Variants in SIK3 observed in about 807,000 individuals in gnomAD.
The protein encoded by SIK3 is serine/threonine-protein kinase SIK3.
In SIK3, 28 loss-of-function variants were observed where a neutral mutation model predicts 144.2. The ratio of observed to expected loss-of-function variants is 0.19; its 90% CI spans 0.14 to 0.27. The LOEUF (loss-of-function observed/expected upper bound fraction) is 0.27, where lower values mean the gene tolerates loss of function less well. Among genes scored for constraint, SIK3 ranks in the 10% least tolerant of loss-of-function variants. The pLI, the probability that SIK3 is intolerant of heterozygous loss-of-function variation, is 1.00. For synonymous variants in SIK3, 686 were observed against 676.3 expected, an observed-to-expected ratio of 1.01 and a Z score of -0.22; for missense variants, 1,319 against 1,776.0, an observed-to-expected ratio of 0.74 and a Z score of 4.62.
intron 1 of SIK3, among the ~76,000 whole-genome samples, chr11:117,059,305 A>G (rs1953694199): frequency 6.6e-6 from 1 of 152,224 alleles, no homozygotes; most frequent in Non-Finnish European, 1.5e-5. Context: ...ATTTAGAAGG[A>G]ATAGGAATTA....
chr11:117,046,990 C>CT (rs1021684514), intron 1 of SIK3, among the ~76,000 whole-genome samples: 3 of 152,162 alleles, frequency 2.0e-5, no homozygotes, highest in African/African-American at 7.2e-5. Flanking sequence ...GTAACAGAAT[C>CT]TTTTTTTCCT....
chr11:116,886,852 G>C (rs1374433563), intron 6 of SIK3, among the ~76,000 whole-genome samples: 2 of 152,196 alleles, frequency 1.3e-5, no homozygotes, highest in Non-Finnish European at 2.9e-5. Flanking sequence ...AACACATGAA[G>C]CCAGGCCAGG....
intron 1 of SIK3, among the ~76,000 whole-genome samples, chr11:117,028,642 A>G (rs999704215): frequency 1.1e-4 from 17 of 152,316 alleles, no homozygotes; most frequent in African/African-American, 4.1e-4. Context: ...CAAGGAAAAA[A>G]AAAACATGAG....
intron 4 of SIK3, among the ~76,000 whole-genome samples, chr11:116,905,963 G>A (rs1946007473): frequency 6.6e-6 from 1 of 152,100 alleles, no homozygotes; most frequent in Admixed American, 6.5e-5. Flanking sequence ...ATGTTGATGA[G>A]GTCCAACTTA....
At chr11:116,934,696 A>G (rs1026993788) in intron 3 of SIK3, among the ~76,000 whole-genome samples, 3 of 152,246 alleles carry the variant, frequency 2.0e-5, no homozygotes, top group African/African-American at 7.2e-5. Flanking sequence ...AGATTAGGCC[A>G]GGCATGGTGG....
chr11:116,951,419 A>G (rs1208244812), intron 3 of SIK3, among the ~76,000 whole-genome samples: 2 of 152,128 alleles, frequency 1.3e-5, no homozygotes, highest in Non-Finnish European at 2.9e-5. Flanking sequence ...TTCAAATTCT[A>G]TTGTTATATA....
At chr11:117,022,536 A>T (rs911033037) in intron 1 of SIK3, among the ~76,000 whole-genome samples, 1 of 152,218 alleles carries the variant, frequency 6.6e-6, no homozygotes, top group African/African-American at 2.4e-5. Flanking sequence ...TCATAACACC[A>T]CTAAGCAGAA....
intron 6 of SIK3, among the ~76,000 whole-genome samples, chr11:116,877,385 A>G (rs976269081): frequency 1.3e-5 from 2 of 152,222 alleles, no homozygotes; most frequent in Non-Finnish European, 2.9e-5. Flanking sequence ...AATGGCCTCT[A>G]AAGAGATTCA....
At chr11:116,934,768 TAC>T (rs1947814240) in intron 3 of SIK3, among the ~76,000 whole-genome samples, 1 of 151,864 alleles carries the variant, frequency 6.6e-6, no homozygotes, top group South Asian at 2.1e-4. Context: ...ACCCCATTGC[TAC>T]AAAAAATTTA....
At chr11:117,068,508 C>A (rs1333352694) in intron 1 of SIK3, among the ~76,000 whole-genome samples, 1 of 152,120 alleles carries the variant, frequency 6.6e-6, no homozygotes, top group African/African-American at 2.4e-5. Context: ...TAGCACTTTG[C>A]GAGGCCAAAG....
intron 3 of SIK3, among the ~76,000 whole-genome samples, chr11:116,942,347 T>G (rs1467323086): frequency 1.3e-5 from 2 of 152,220 alleles, no homozygotes; most frequent in Admixed American, 6.5e-5. Context: ...TTATTCAACT[T>G]ATCAATAAAT....
intron 1 of SIK3, among the ~76,000 whole-genome samples, chr11:116,992,996 T>C (rs2135566589): frequency 6.6e-6 from 1 of 152,252 alleles, no homozygotes; most frequent in South Asian, 2.1e-4. Context: ...AAAAAGTATC[T>C]CTAAAGGACC....
intron 4 of SIK3, among the ~76,000 whole-genome samples, chr11:116,916,902 C>G (rs1325412197): frequency 6.6e-6 from 1 of 151,778 alleles, no homozygotes; most frequent in Admixed American, 6.6e-5. Context: ...CTCAGGAGTT[C>G]AAGACCAAAC....
At chr11:116,923,343 G>A (rs1172601699) in intron 4 of SIK3, among the ~76,000 whole-genome samples, 1 of 152,148 alleles carries the variant, frequency 6.6e-6, no homozygotes, top group East Asian at 1.9e-4. Context: ...GAAAAGATCA[G>A]GAATCTGAAA....
chr11:116,915,458 A>G (rs2135003152), intron 4 of SIK3, among the ~76,000 whole-genome samples: 1 of 152,330 alleles, frequency 6.6e-6, no homozygotes, highest in East Asian at 1.9e-4. Flanking sequence ...TAAATAATGA[A>G]ATGGATTAAC....
At chr11:117,022,933 C>T (rs1951837771) in intron 1 of SIK3, among the ~76,000 whole-genome samples, 1 of 151,678 alleles carries the variant, frequency 6.6e-6, no homozygotes, top group South Asian at 2.1e-4. Context: ...GAAACAAACG[C>T]AAAGTGAATA....
intron 1 of SIK3, among the ~76,000 whole-genome samples, chr11:117,046,081 G>A (rs1430049741): frequency 1.3e-5 from 2 of 152,196 alleles, no homozygotes; most frequent in African/African-American, 2.4e-5. Flanking sequence ...TAAGTGCAGT[G>A]GGCACTGTTC....
Position 116,862,218 on chromosome 11 carries a change from A to T in SIK3, c.2213T>A (p.Leu738His), listed in dbSNP as rs755328030. 6.2e-7 allele frequency: 1 copy of T among 1,614,094 alleles called. No individual in the cohort carries two copies. The highest frequency in any genetic ancestry group is 2.2e-5 in the East Asian group (1 of 44,896). The change falls in exon 17 of 25, where the codon CTC becomes CAC. Residue 738 changes from leucine to histidine, a missense_variant. Transcript: ENST00000445177. ...AGGGCCTACTTGAATTTGTTGCTGG[A>T]GAATTTGATGGTGCTGCTCCTGCTG... ...LYQQEQHHQI[L>H]QQQIQDSICP...
intron 1 of SIK3, among the ~76,000 whole-genome samples, chr11:117,044,433 T>A (rs1952868958): frequency 6.6e-6 from 1 of 152,136 alleles, no homozygotes; most frequent in Non-Finnish European, 1.5e-5. Flanking sequence ...ATTTTAATTA[T>A]GATTCATTTA....
Sources: allele counts gnomAD v4.1 joint callset (sites outside exome capture counted in the v4.1 genomes callset), GRCh38; gene constraint gnomAD v4.1.1; transcripts MANE v1.5; gene names NCBI Gene and HGNC (gene_info 2026-07-23, HGNC 2026-07-21).